Variants in PCDHGB1 observed in about 807,000 individuals in gnomAD.
PCDHGB1 encodes the protein protocadherin gamma-B1.
A neutral mutation model predicts 56.6 loss-of-function variants in PCDHGB1; 34 were observed. The ratio of observed to expected loss-of-function variants is 0.60; its 90% CI spans 0.46 to 0.80. The LOEUF is 0.80. Ranked by LOEUF, PCDHGB1 falls within the 30% of genes least tolerant of loss-of-function variation. PCDHGB1 has a pLI of 0.00. For synonymous variants in PCDHGB1, 561 were observed against 505.9 expected (o/e 1.11, Z -1.46); for missense variants, 1,278 against 1,204.6 (o/e 1.06, Z -0.90).
chr5:141,416,101 C>CT (rs34144584), intron 1 of PCDHGB1: 1 of 158,972 alleles, frequency 6.3e-6, no homozygotes, highest in Non-Finnish European at 1.4e-5. Context: ...GGCAATAGGC[C>CT]TTTTTCAAAC....
chr5:141,399,396 G>C, intron 1 of PCDHGB1: 1 of 1,613,960 alleles, frequency 6.2e-7, no homozygotes, highest in Non-Finnish European at 8.5e-7. Flanking sequence ...CCACAGACAG[G>C]GGCAAGCCGC....
At chr5:141,455,160 GT>G (rs59530096) in intron 1 of PCDHGB1, among the ~76,000 whole-genome samples, 102 of 149,212 alleles carry the variant, frequency 6.8e-4, no homozygotes, top group East Asian at 7.9e-4. Flanking sequence ...TAGTTTGTTG[GT>G]TTTTTTTTTA....
At chr5:141,378,758 C>G (rs969501970) in intron 1 of PCDHGB1, 1 of 152,162 alleles carries the variant, frequency 6.6e-6, no homozygotes, top group Non-Finnish European at 1.5e-5. Flanking sequence ...AAGGGATTAT[C>G]ATTTAGAAGA....
chr5:141,485,074 G>C lies in PCDHGB1; in HGVS notation c.2410-9733G>C, dbSNP rs2099606548. ...GGCCGAACCGCGCCAGAGCTGGCGC[G>C]GGGAAAGGGAGATAGGTGTCTCCAG... On this transcript the variant is annotated intron_variant, in intron 1 of 3. Coordinates refer to ENST00000523390, the MANE Select transcript of PCDHGB1 (RefSeq NM_018922.3). The surrounding 1 kb of genome is among the most constrained non-coding windows in gnomAD (Gnocchi z 5.7). 1 of 926,946 alleles carries C rather than the reference G, an allele frequency of 1.1e-6. No individual in the cohort carries two copies. The highest frequency in any genetic ancestry group is 1.6e-5 in the South Asian group (1 of 62,606). The allele number at this position is 926,946 out of a possible 1,614,324, so 57.4% of individuals were successfully genotyped here.
chr5:141,420,547 G>A (rs898726649), intron 1 of PCDHGB1: 1 of 278,678 alleles, frequency 3.6e-6, no homozygotes, highest in Non-Finnish European at 6.4e-6. Context: ...TAAAATACAG[G>A]TATATTTTTA....
At chr5:141,484,889 TC>T (rs1312115219) in intron 1 of PCDHGB1, 2 of 362,958 alleles carry the variant, frequency 5.5e-6, no homozygotes, top group Admixed American at 8.9e-5. Flanking sequence ...GTGGGCTTTT[TC>T]CCCTCCAATG....
intron 1 of PCDHGB1, chr5:141,392,699 T>C: frequency 2.4e-6 from 3 of 1,248,768 alleles, no homozygotes; most frequent in South Asian, 3.3e-5. Context: ...CGACCCCTGT[T>C]TGGAGGCACT....
At chr5:141,372,605 T>G in intron 1 of PCDHGB1, 5 of 1,614,050 alleles carry the variant, frequency 3.1e-6, no homozygotes, top group Non-Finnish European at 4.2e-6. Flanking sequence ...AGACTGTACC[T>G]GGAGTTCTCC....
intron 1 of PCDHGB1, among the ~76,000 whole-genome samples, chr5:141,451,644 G>A (rs1730833205): frequency 6.6e-6 from 1 of 152,178 alleles, no homozygotes; most frequent in Non-Finnish European, 1.5e-5. Context: ...CACTCTGAGA[G>A]GCCAAGGAGG....
rs2099615817 is a variant in PCDHGB1 at position 141,485,564 on chromosome 5, C to G, written c.2410-9243C>G. On this transcript the variant is annotated intron_variant, in intron 1 of 3. Coordinates refer to ENST00000523390, the MANE Select transcript of PCDHGB1 (RefSeq NM_018922.3). This position sits in a 1 kb window ranked among gnomAD's most constrained non-coding sequence, Gnocchi z 5.7. ...GATCGTAGATGTGAATGATCACGCCCCCCGTTTTCCGCGGCAGCAGCTGGA... is the reference window on the plus strand; with the variant it reads ...GATCGTAGATGTGAATGATCACGCCGCCCGTTTTCCGCGGCAGCAGCTGGA... 6.2e-7 allele frequency: 1 copy of G among 1,612,958 alleles called. No individual in the cohort carries two copies. The highest frequency in any genetic ancestry group is 8.5e-7 in the Non-Finnish European group (1 of 1,179,052).
intron 1 of PCDHGB1, chr5:141,403,322 A>G (rs1156229289): frequency 6.2e-7 from 1 of 1,613,982 alleles, no homozygotes; most frequent in Non-Finnish European, 8.5e-7. Flanking sequence ...AATAGAAGTA[A>G]CTGATATTAA....
intron 1 of PCDHGB1, chr5:141,423,279 C>T: frequency 1.9e-6 from 3 of 1,614,032 alleles, no homozygotes; most frequent in Non-Finnish European, 2.5e-6. Flanking sequence ...CTCTGGCTAA[C>T]TCTGAAACCT....
chr5:141,508,979 G>C (rs1317798009), intron 3 of PCDHGB1, among the ~76,000 whole-genome samples: 1 of 152,110 alleles, frequency 6.6e-6, no homozygotes, highest in Admixed American at 6.5e-5. Context: ...GCTGGGGGTG[G>C]GGGCCAGCTG....
At chr5:141,459,149 T>C (rs2098961903) in intron 1 of PCDHGB1, among the ~76,000 whole-genome samples, 1 of 152,234 alleles carries the variant, frequency 6.6e-6, no homozygotes, top group Non-Finnish European at 1.5e-5. Context: ...AATCAAAATA[T>C]AGAACATTTC....
chr5:141,418,324 G>A, intron 1 of PCDHGB1: 2 of 1,614,006 alleles, frequency 1.2e-6, no homozygotes, highest in Non-Finnish European at 1.7e-6. Context: ...CAATTCTTGA[G>A]TCTGCAGAAG....
chr5:141,483,736 G>A (rs1296877404), intron 1 of PCDHGB1, among the ~76,000 whole-genome samples: 1 of 152,110 alleles, frequency 6.6e-6, no homozygotes, highest in Non-Finnish European at 1.5e-5. Flanking sequence ...ATAGTCAAAA[G>A]GATATTCCTG....
chr5:141,394,740 G>A (rs148904388), intron 1 of PCDHGB1: 174 of 1,613,404 alleles, frequency 1.1e-4, no homozygotes, highest in Non-Finnish European at 1.4e-4. Flanking sequence ...GCAGAGCCTC[G>A]TGGTGGCCGT....
At chr5:141,394,019 T>C in intron 1 of PCDHGB1, 1 of 1,613,522 alleles carries the variant, frequency 6.2e-7, no homozygotes, top group Non-Finnish European at 8.5e-7. Flanking sequence ...GTAATTATTA[T>C]AGATTAGTGA....
Position 141,393,858 on chromosome 5 carries a change from A to G in PCDHGB1, c.2409+41189A>G, listed in dbSNP as rs777304987. The G allele has an allele frequency of 1.2e-5, 20 of 1,613,912 alleles. No homozygotes were observed. Among genetic ancestry groups the G allele is most frequent in the Admixed American group, 8.3e-5 (5 of 60,008 alleles). On this transcript the variant is annotated intron_variant, in intron 1 of 3. Transcript: ENST00000523390. ...AAATGACAATAGACCAGAAGTGATC[A>G]TTACGTCTTTGTTTAGCCCAGTGTT...
Sources: allele counts gnomAD v4.1 joint callset (sites outside exome capture counted in the v4.1 genomes callset), GRCh38; gene constraint gnomAD v4.1.1; non-coding constraint Gnocchi (gnomAD v3.1); transcripts MANE v1.5; gene names NCBI Gene and HGNC (gene_info 2026-07-23, HGNC 2026-07-21).